The following CSMD1 variants were observed in gnomAD, a reference collection of about 807,000 sequenced individuals.
CSMD1 encodes the protein CUB and Sushi multiple domains 1, also known as CUB and sushi domain-containing protein 1.
In CSMD1, 213 loss-of-function variants were observed where a neutral mutation model predicts 417.5. The observed-to-expected ratio is 0.51, with a 90% CI of 0.46 to 0.57. The LOEUF (loss-of-function observed/expected upper bound fraction) is 0.57. Among genes scored for constraint, CSMD1 ranks in the 20% least tolerant of loss-of-function variants. The pLI, the probability that CSMD1 is intolerant of heterozygous loss-of-function variation, is 0.00. For missense variants in CSMD1, 6,923 were observed against 4,529.7 expected (o/e 1.53, Z -15.17); for synonymous variants, 2,862 against 1,736.8 (o/e 1.65, Z -16.11).
intron 1 of CSMD1, among the ~76,000 whole-genome samples, chr8:4,919,752 G>A (rs919720490): frequency 6.6e-5 from 10 of 152,170 alleles, no homozygotes; most frequent in Non-Finnish European, 1.0e-4. Flanking sequence ...TAGAATAAGT[G>A]ATTAGCCTGT....
intron 1 of CSMD1, among the ~76,000 whole-genome samples, chr8:4,964,681 T>C (rs1057433005): frequency 4.6e-5 from 7 of 152,078 alleles, no homozygotes; most frequent in African/African-American, 1.7e-4. Flanking sequence ...AGATTCTCCA[T>C]TCTCCAGGTT....
At chr8:3,526,413 G>A (rs757735904) in intron 10 of CSMD1, among the ~76,000 whole-genome samples, 19 of 151,928 alleles carry the variant, frequency 1.3e-4, no homozygotes, top group Non-Finnish European at 2.1e-4. Context: ...AAATTTTTAA[G>A]TGGCCTAAAG....
At chr8:2,949,187 C>A (rs1439757836) in intron 68 of CSMD1, 112 bp downstream of exon 68, 1 of 626,068 alleles carries the variant, frequency 1.6e-6, no homozygotes. Flanking sequence ...TAGTCTCTCT[C>A]ATTATTTTTG....
chr8:3,255,671 C>T (rs943895877), intron 26 of CSMD1, among the ~76,000 whole-genome samples: 18 of 152,324 alleles, frequency 1.2e-4, no homozygotes, highest in African/African-American at 3.6e-4. Context: ...CTGAGCCATG[C>T]ACGGGATATA....
chr8:3,088,625 C>A (rs544650602), intron 48 of CSMD1, among the ~76,000 whole-genome samples: 6 of 151,910 alleles, frequency 3.9e-5, no homozygotes, highest in African/African-American at 1.5e-4. Flanking sequence ...TCTGAAGTAC[C>A]ATTTCCTTTT....
At chr8:3,362,066 T>A (rs1347456417) in intron 20 of CSMD1, among the ~76,000 whole-genome samples, 1 of 142,182 alleles carries the variant, frequency 7.0e-6, no homozygotes, top group East Asian at 1.9e-4. Flanking sequence ...AGTTTATCCT[T>A]TTTTTCCCCC....
At chr8:4,237,541 T>TG (rs1056842582) in intron 3 of CSMD1, among the ~76,000 whole-genome samples, 28 of 152,048 alleles carry the variant, frequency 1.8e-4, no homozygotes, top group Non-Finnish European at 3.2e-4. Flanking sequence ...CTACTTTTTT[T>TG]TTTTTGTTTT....
At chr8:4,270,764 C>A (rs1804536204) in intron 3 of CSMD1, among the ~76,000 whole-genome samples, 1 of 152,208 alleles carries the variant, frequency 6.6e-6, no homozygotes. Flanking sequence ...TCATCACCTG[C>A]ACGGCACCCC....
rs17068999 is a variant in CSMD1, at chr8:4,103,122, C to T, written c.416-71023G>A. ...ATAAAGTGGATTCTATCTCTGAACACGAGTTAACAGTTATTTTGCAAAGTA... is the reference window on the plus strand; with the variant it reads ...ATAAAGTGGATTCTATCTCTGAACATGAGTTAACAGTTATTTTGCAAAGTA... On this transcript the variant is annotated intron_variant, in intron 3 of 69. Coordinates refer to ENST00000635120, the MANE Select transcript of CSMD1 (RefSeq NM_033225.6). Among the ~76,000 whole-genome samples, 1,348 of 152,106 alleles carry T rather than the reference C, an allele frequency of 8.9e-3. 28 individuals carry two copies. Among genetic ancestry groups the T allele is most frequent in the African/African-American group, 0.03 (1,253 of 41,494 alleles).
At chr8:3,926,106 C>CACCAT (rs1554488646) in intron 5 of CSMD1, among the ~76,000 whole-genome samples, 1 of 51,106 alleles carries the variant, frequency 2.0e-5, no homozygotes, top group Non-Finnish European at 3.9e-5. Flanking sequence ...CACACACACA[C>CACCAT]ACACACACAC....
intron 11 of CSMD1, among the ~76,000 whole-genome samples, chr8:3,476,224 TCTCTGA>T (rs1368635172): frequency 6.6e-6 from 1 of 152,178 alleles, no homozygotes. Flanking sequence ...ATAACACCTA[TCTCTGA>T]CTCTGAAATC....
chr8:4,393,456 A>C (rs544579848), intron 3 of CSMD1, among the ~76,000 whole-genome samples: 1 of 152,314 alleles, frequency 6.6e-6, no homozygotes, highest in African/African-American at 2.4e-5. Flanking sequence ...TATGAATATC[A>C]CATGCATGAT....
chr8:3,869,749 G>C (rs577701792), intron 5 of CSMD1, among the ~76,000 whole-genome samples: 1 of 152,238 alleles, frequency 6.6e-6, no homozygotes, highest in African/African-American at 2.4e-5. Context: ...AGAAGCACTA[G>C]CAGGCAACAC....
chr8:3,422,098 C>A (rs1490745603), intron 12 of CSMD1, among the ~76,000 whole-genome samples: 2 of 151,800 alleles, frequency 1.3e-5, no homozygotes, highest in Non-Finnish European at 2.9e-5. Flanking sequence ...TCTACCCTTC[C>A]CATGACTAGA....
intron 3 of CSMD1, among the ~76,000 whole-genome samples, chr8:4,364,004 A>G (rs547686712): frequency 6.6e-6 from 1 of 152,304 alleles, no homozygotes; most frequent in Admixed American, 6.5e-5. Flanking sequence ...GACTGACTGT[A>G]GTCAATAATT....
chr8:4,671,753 G>C (rs774513023), intron 1 of CSMD1, among the ~76,000 whole-genome samples: 8 of 152,164 alleles, frequency 5.3e-5, no homozygotes, highest in Non-Finnish European at 1.0e-4. Context: ...TTGTGTGTGT[G>C]TGCTTGCACG....
At chr8:4,643,863 C>T (rs922481902) in intron 1 of CSMD1, among the ~76,000 whole-genome samples, 2 of 152,144 alleles carry the variant, frequency 1.3e-5, no homozygotes, top group East Asian at 1.9e-4. Flanking sequence ...GAATTAAAGT[C>T]TTCAGGCATT....
chr8:3,558,601 CGTGTCCACTCCTCCA>C (rs1799315144), intron 10 of CSMD1, among the ~76,000 whole-genome samples: 1 of 127,186 alleles, frequency 7.9e-6, no homozygotes, highest in African/African-American at 4.0e-5. Flanking sequence ...AATAGTACCC[CGTGTCCACTCCTCCA>C]ATGATGAATA....
At chr8:3,783,575 T>A (rs1362058646) in intron 5 of CSMD1, among the ~76,000 whole-genome samples, 1 of 152,038 alleles carries the variant, frequency 6.6e-6, no homozygotes, top group Non-Finnish European at 1.5e-5. Flanking sequence ...CTGGCACAGG[T>A]GAGAGAGTTG....
Sources: allele counts gnomAD v4.1 joint callset (sites outside exome capture counted in the v4.1 genomes callset), GRCh38; gene constraint gnomAD v4.1.1; transcripts MANE v1.5; gene names NCBI Gene and HGNC (gene_info 2026-07-23, HGNC 2026-07-21).